PRKN: variants seen among roughly 807,000 people sequenced by gnomAD.
PRKN encodes the protein parkin RBR E3 ubiquitin protein ligase.
A neutral mutation model predicts 59.5 loss-of-function variants in PRKN; 56 were observed. The ratio of observed to expected loss-of-function variants is 0.94; its 90% CI spans 0.76 to 1.18. The LOEUF (loss-of-function observed/expected upper bound fraction) is 1.18, where lower values mean the gene tolerates loss of function less well. PRKN is among the 50% of genes most tolerant of loss of function. The pLI, the probability that PRKN is intolerant of heterozygous loss-of-function variation, is 0.00. For synonymous variants in PRKN, 250 were observed against 222.1 expected (o/e 1.13, Z -1.12); for missense variants, 657 against 596.4 (o/e 1.10, Z -1.06).
chr6:161,580,427 T>C (rs1288751344), intron 7 of PRKN, among the ~76,000 whole-genome samples: 2 of 152,116 alleles, frequency 1.3e-5, no homozygotes, highest in East Asian at 3.9e-4. Flanking sequence ...AATCCAGCCC[T>C]TCATCCTGCA....
intron 1 of PRKN, among the ~76,000 whole-genome samples, chr6:162,599,317 T>C (rs1781608981): frequency 1.3e-5 from 2 of 152,132 alleles, no homozygotes; most frequent in Non-Finnish European, 2.9e-5. Flanking sequence ...TTGAAAGCTG[T>C]GCCCTCAAAA....
At chr6:162,244,753 C>T (rs940687714) in intron 3 of PRKN, among the ~76,000 whole-genome samples, 1 of 152,022 alleles carries the variant, frequency 6.6e-6, no homozygotes, top group Non-Finnish European at 1.5e-5. Flanking sequence ...CATGATGACT[C>T]TAATGAATCT....
chr6:162,165,466 T>C (rs1782935508), intron 4 of PRKN, among the ~76,000 whole-genome samples: 1 of 149,328 alleles, frequency 6.7e-6, no homozygotes, highest in Non-Finnish European at 1.5e-5. Context: ...AATATATACA[T>C]TTCCTAATGA....
At chr6:162,610,341 C>T (rs562188264) in intron 1 of PRKN, among the ~76,000 whole-genome samples, 24 of 152,100 alleles carry the variant, frequency 1.6e-4, no homozygotes, top group Admixed American at 3.9e-4. Flanking sequence ...ATGGTTCTGT[C>T]CTAAGCAGGA....
chr6:162,481,348 A>G (rs1258533452), intron 1 of PRKN, among the ~76,000 whole-genome samples: 3 of 152,194 alleles, frequency 2.0e-5, no homozygotes, highest in African/African-American at 4.8e-5. Context: ...CAAAATCTGT[A>G]AATACTATTA....
chr6:162,353,947 C>T (rs1218928310), intron 2 of PRKN, among the ~76,000 whole-genome samples: 4 of 152,158 alleles, frequency 2.6e-5, no homozygotes, highest in Non-Finnish European at 5.9e-5. Flanking sequence ...CTTAAGCATG[C>T]AATTCTCCAT....
At position 161,680,757 on chromosome 6, in the gene PRKN, ATATATATATATATATATATTTT is replaced by A. The variant is rs1260745934; in HGVS notation, c.871+104993_871+105014del. Among the ~76,000 whole-genome samples, 114 of 14,172 alleles carry A rather than the reference ATATATATATATATATATATTTT, an allele frequency of 8.0e-3. 2 individuals carry two copies. Among genetic ancestry groups the A allele is most frequent in the South Asian group, 0.032 (7 of 218 alleles). The allele number at this position is 14,172 out of a possible 152,430, so 9.3% of individuals were successfully genotyped here. ...TATATATATATATATATATATATATATATATATATATATATATATTTTTTTTTTTTTTTCTTTTCCTAAAACA... is the reference window on the plus strand; with the variant it reads ...TATATATATATATATATATATATATATTTTTTTTTTTCTTTTCCTAAAACA... On this transcript the variant is annotated intron_variant, in intron 7 of 11. Transcript: ENST00000366898.
chr6:162,587,217 C>T (rs970726159), intron 1 of PRKN, among the ~76,000 whole-genome samples: 7 of 152,110 alleles, frequency 4.6e-5, no homozygotes, highest in Non-Finnish European at 7.4e-5. Flanking sequence ...GCTCATTCAA[C>T]CTCTGCCTCC....
intron 1 of PRKN, among the ~76,000 whole-genome samples, chr6:162,605,718 C>T (rs1307022240): frequency 2.6e-5 from 4 of 152,074 alleles, no homozygotes; most frequent in Non-Finnish European, 5.9e-5. Context: ...TATACCCAAA[C>T]AGCAAATAAA....
intron 4 of PRKN, among the ~76,000 whole-genome samples, chr6:162,148,597 C>CAAAG (rs1389838139): frequency 4.6e-5 from 7 of 151,258 alleles, no homozygotes; most frequent in Non-Finnish European, 7.4e-5. Context: ...CAGATTGAAA[C>CAAAG]AAACAAACAA....
intron 2 of PRKN, among the ~76,000 whole-genome samples, chr6:162,435,863 A>G (rs114042791): frequency 5.0e-4 from 76 of 152,264 alleles, no homozygotes; most frequent in African/African-American, 1.8e-3. Flanking sequence ...GCCTCCTTTT[A>G]TCTTATAATC....
intron 4 of PRKN, among the ~76,000 whole-genome samples, chr6:162,134,754 T>C (rs1781502623): frequency 6.6e-6 from 1 of 152,092 alleles, no homozygotes; most frequent in Admixed American, 6.6e-5. Flanking sequence ...GAAAAAGGTT[T>C]TGATGGAGGC....
rs560923491 is a variant in PRKN at position 162,685,270 on chromosome 6, G to C, written c.7+42392C>G. Among the ~76,000 whole-genome samples, 19 of 152,196 alleles carry C rather than the reference G, an allele frequency of 1.2e-4. 2 individuals are homozygous for C. The South Asian group carries it at 3.3e-3, about 27-fold the overall frequency. On this transcript the variant is annotated intron_variant, in intron 1 of 11. Coordinates refer to ENST00000366898, the MANE Select transcript of PRKN (RefSeq NM_004562.3). The stretch of plus-strand genomic sequence containing the variant: ...TTGCAGTCATCTTTACAGCACAGCT[G>C]GTCATGAAGACTCTCCTGAGTACAT...
intron 7 of PRKN, among the ~76,000 whole-genome samples, chr6:161,735,923 C>CA (rs950382208): frequency 2.6e-4 from 38 of 146,272 alleles, no homozygotes; most frequent in East Asian, 5.9e-4. Context: ...TCAGAAAAAA[C>CA]AAAAAAAAAA....
At chr6:162,036,380 T>C (rs1020662743) in intron 5 of PRKN, among the ~76,000 whole-genome samples, 2 of 151,918 alleles carry the variant, frequency 1.3e-5, no homozygotes, top group African/African-American at 4.8e-5. Flanking sequence ...AAATTATAGT[T>C]TAAATAATTT....
chr6:161,619,070 A>C (rs2128149840), intron 7 of PRKN, among the ~76,000 whole-genome samples: 1 of 152,188 alleles, frequency 6.6e-6, no homozygotes, highest in East Asian at 1.9e-4. Context: ...GCAGAGCCTG[A>C]AGTGGTTCTG....
At chr6:161,930,439 T>C (rs1008438314) in intron 6 of PRKN, among the ~76,000 whole-genome samples, 4 of 152,236 alleles carry the variant, frequency 2.6e-5, no homozygotes, top group South Asian at 2.1e-4. Flanking sequence ...CAAGTCATCA[T>C]GGATCACAGG....
Position 161,582,971 on chromosome 6 carries a change from AACACACACACACACACACACAC to A in PRKN, c.872-13577_872-13556del, listed in dbSNP as rs768568929. On this transcript the variant is annotated intron_variant, in intron 7 of 11. Transcript: ENST00000366898. The surrounding 1 kb of genome is among the most constrained non-coding windows in gnomAD (Gnocchi z 4.4). ...TCTTTCCAGTGAGATGGCCTATTCCAACACACACACACACACACACACACACACACACACACACACACACACA... is the reference window on the plus strand; with the variant it reads ...TCTTTCCAGTGAGATGGCCTATTCCAACACACACACACACACACACACACA... 6.8e-5 allele frequency among the ~76,000 whole-genome samples: 8 copies of A among 117,236 alleles called. No individual in the cohort carries two copies. The South Asian group carries it at 1.0e-3, about 15-fold the overall frequency. The allele number at this position is 117,236 out of a possible 152,430, so 76.9% of individuals were successfully genotyped here.
At chr6:161,450,631 A>T (rs1414661198) in intron 9 of PRKN, among the ~76,000 whole-genome samples, 2 of 151,786 alleles carry the variant, frequency 1.3e-5, no homozygotes, top group African/African-American at 2.4e-5. Context: ...ATCTCAGCTC[A>T]CTGCAACCTC....
Sources: allele counts gnomAD v4.1 joint callset (sites outside exome capture counted in the v4.1 genomes callset), GRCh38; gene constraint gnomAD v4.1.1; non-coding constraint Gnocchi (gnomAD v3.1); transcripts MANE v1.5; gene names NCBI Gene and HGNC (gene_info 2026-07-23, HGNC 2026-07-21).